Variants in PLCD4 observed in about 807,000 individuals in gnomAD.
PLCD4 encodes phospholipase C delta 4.
A neutral mutation model predicts 90.2 loss-of-function variants in PLCD4; 63 were observed. That is an observed-to-expected ratio of 0.70 (90% confidence interval 0.57 to 0.86). The LOEUF is 0.86. Ranked by LOEUF, PLCD4 falls within the 40% of genes least tolerant of loss-of-function variation. The pLI is 0.00. For synonymous variants in PLCD4, 294 were observed against 356.5 expected (o/e 0.82, Z 1.97); for missense variants, 830 against 956.3 (o/e 0.87, Z 1.74).
chr2:218,632,427 C>A, intron 10 of PLCD4, 115 bp downstream of exon 10: 3 of 1,048,124 alleles, frequency 2.9e-6, no homozygotes, highest in East Asian at 2.6e-5. Flanking sequence ...ATGACCCTTC[C>A]TCCCAATGAA....
chr2:218,636,557 C>G lies in PLCD4; in HGVS notation c.2269C>G (p.Leu757Val), dbSNP rs373053225. ...IFVYICIQEGLEGDES is the reference protein window; with the variant it reads ...IFVYICIQEGVEGDES ...TGTGTATATCTGCATCCAGGAAGGC[C>G]TGGAGGGGGATGAGTCCTGAGGTGG... is the stretch of plus-strand genomic sequence containing the variant. Residue 757 changes from leucine (L) to valine (V), a missense_variant, in exon 16 of 16, where the codon CTG (leucine) becomes GTG (valine). Coordinates refer to ENST00000450993, the MANE Select transcript of PLCD4 (RefSeq NM_032726.4). 7.4e-6 allele frequency: 12 copies of G among 1,613,950 alleles called. No individual in the cohort carries two copies. The East Asian group carries it at 2.2e-4, about 30-fold the overall frequency.
At position 218,618,693 on chromosome 2, in the gene PLCD4, G is replaced by C; in HGVS notation, c.296G>C (p.Arg99Pro). 1 of 1,613,746 alleles carries C rather than the reference G, an allele frequency of 6.2e-7. No individual in the cohort carries two copies. Among genetic ancestry groups the C allele is most frequent in the South Asian group, 1.1e-5 (1 of 90,994 alleles). Reference sequence around the variant, plus strand: ...TTCACCATTGTCTTCCATGGCCGCCGCTCCAACCTGGACCTGATGGCCAAC... The same window carrying C: ...TTCACCATTGTCTTCCATGGCCGCCCCTCCAACCTGGACCTGATGGCCAAC... Reference protein sequence around the residue: ...QGFTIVFHGRRSNLDLMANSV... With the variant: ...QGFTIVFHGRPSNLDLMANSV... Residue 99 changes from arginine (R) to proline (P), a missense_variant, in exon 4 of 16, where the codon CGC becomes CCC. Coordinates refer to ENST00000450993, the MANE Select transcript of PLCD4 (RefSeq NM_032726.4).
At chr2:218,615,220 A>G (rs767445878) in intron 1 of PLCD4, among the ~76,000 whole-genome samples, 1 of 151,976 alleles carries the variant, frequency 6.6e-6, no homozygotes, top group Non-Finnish European at 1.5e-5. Context: ...ACTCCGTATC[A>G]AAAAAAAGAA....
At chr2:218,616,881 G>A (rs1695605753) in intron 3 of PLCD4, among the ~76,000 whole-genome samples, 1 of 104,340 alleles carries the variant, frequency 9.6e-6, no homozygotes. Flanking sequence ...TGCATTTAAT[G>A]AATGTTAGCC....
chr2:218,634,768 G>A lies in PLCD4; in HGVS notation c.1896+138G>A. On this transcript the variant is annotated intron_variant, in intron 13 of 15. Transcript: ENST00000450993. This position sits in a 1 kb window ranked among gnomAD's most constrained non-coding sequence, Gnocchi z 4.0. ...CTAGTTTTAGCTTTTGGAGCCAGCT[G>A]CCTAGCTTCAAACCACAACTTCCTA... 1 of 1,065,266 alleles carries A rather than the reference G, an allele frequency of 9.4e-7. No homozygotes were observed. The allele number at this position is 1,065,266 out of a possible 1,614,324, so 66.0% of individuals were successfully genotyped here. A position where few individuals can be genotyped will look rare whatever the true frequency, so the allele number is the denominator to read the frequency against.
chr2:218,615,601 C>A, intron 1 of PLCD4, 106 bp from the exon 2 acceptor site: 1 of 872,760 alleles, frequency 1.1e-6, no homozygotes, highest in South Asian at 2.2e-5. Flanking sequence ...GTTTCTAAAC[C>A]TATCTAAAGT....
intron 4 of PLCD4, among the ~76,000 whole-genome samples, chr2:218,620,386 A>G (rs1695816769): frequency 6.6e-6 from 1 of 151,998 alleles, no homozygotes; most frequent in African/African-American, 2.4e-5. Flanking sequence ...TGTATCTGCA[A>G]TCCCAGCTAC....
At chr2:218,613,346 G>T (rs1046629143) in intron 1 of PLCD4, among the ~76,000 whole-genome samples, 1 of 136,954 alleles carries the variant, frequency 7.3e-6, no homozygotes, top group African/African-American at 2.7e-5. Flanking sequence ...AGCCGAGATT[G>T]TGCCATTGCA....
At chr2:218,624,313 G>A (rs1285615796) in intron 6 of PLCD4, among the ~76,000 whole-genome samples, 1 of 152,134 alleles carries the variant, frequency 6.6e-6, no homozygotes, top group African/African-American at 2.4e-5. Context: ...CCTATGCTAG[G>A]CACCAGACAT....
chr2:218,630,156 C>T (rs1005011683), intron 8 of PLCD4, among the ~76,000 whole-genome samples: 1 of 152,166 alleles, frequency 6.6e-6, no homozygotes, highest in African/African-American at 2.4e-5. Context: ...CCAGCCTGGG[C>T]AGCAAGAGTG....
At chr2:218,629,223 T>A in intron 7 of PLCD4, 1 of 278,778 alleles carries the variant, frequency 3.6e-6, no homozygotes, top group Non-Finnish European at 6.9e-6. Flanking sequence ...CTCAAAAAAA[T>A]AAAAGTAAAT....
In PLCD4 at chr2:218,630,738, TG is replaced by T. The variant is rs1559274626; in HGVS notation, c.1213del (p.Glu405SerfsTer4). ...QTMARHLTEI[L>X]GEQLLSTTLD... ...ATGGCCCGTCATCTGACTGAGATCC[TG>T]GGGGAGCAGCTGCTGAGCACCACCT... On this transcript the variant is annotated frameshift_variant, in exon 9 of 16. Transcript: ENST00000450993. LOFTEE classifies it high-confidence loss of function. 1.2e-6 allele frequency: 2 copies of T among 1,614,012 alleles called. No individual in the cohort carries two copies. Among genetic ancestry groups the T allele is most frequent in the Admixed American group, 3.3e-5 (2 of 60,018 alleles).
intron 7 of PLCD4, 66 bp from the exon 8 acceptor site, chr2:218,629,453 G>A: frequency 6.4e-7 from 1 of 1,573,652 alleles, no homozygotes; most frequent in Non-Finnish European, 8.6e-7. Flanking sequence ...AGAGTGGGGA[G>A]AGTCCCTAGG....
chr2:218,634,320 T>C lies in PLCD4; in HGVS notation c.1723+99T>C, dbSNP rs1342858671. On this transcript the variant is annotated intron_variant, in intron 12 of 15. Transcript: ENST00000450993. The surrounding 1 kb of genome is among the most constrained non-coding windows in gnomAD (Gnocchi z 4.0). ...AGGGTTGGGGAATGCTCAAGAAAAT[T>C]GCTAGGCTGAGAAATGCTATCAGTG... 1 of 1,572,986 alleles carries C rather than the reference T, an allele frequency of 6.4e-7. No homozygotes were observed. The highest frequency in any genetic ancestry group is 8.6e-7 in the Non-Finnish European group (1 of 1,158,882).
At chr2:218,628,006 G>A in intron 6 of PLCD4, 23 bp from the exon 7 acceptor site, 1 of 1,596,964 alleles carries the variant, frequency 6.3e-7, no homozygotes, top group Non-Finnish European at 8.6e-7. Context: ...TTCTCACCTA[G>A]TGTTCCCCTG....
intron 3 of PLCD4, 81 bp from the exon 4 acceptor site, chr2:218,618,498 G>C (rs1383857858): frequency 1.6e-6 from 2 of 1,216,556 alleles, no homozygotes; most frequent in Non-Finnish European, 2.4e-6. Flanking sequence ...ATGGAGAAGG[G>C]GGTGCTGGTC....
At chr2:218,636,191 G>C in intron 14 of PLCD4, 52 bp from the exon 15 acceptor site, 1 of 1,573,010 alleles carries the variant, frequency 6.4e-7, no homozygotes, top group Non-Finnish European at 8.7e-7. Flanking sequence ...AAGCAACCCA[G>C]TCAAGAAAAC....
At chr2:218,611,717 G>A (rs1044948870) in intron 1 of PLCD4, among the ~76,000 whole-genome samples, 1 of 152,088 alleles carries the variant, frequency 6.6e-6, no homozygotes, top group Admixed American at 6.6e-5. Flanking sequence ...TCCTGCCTCA[G>A]CCTCACGAGT....
At chr2:218,633,962 GAC>G (rs1334968476) in intron 11 of PLCD4, 141 bp from the exon 12 acceptor site, 9 of 1,268,464 alleles carry the variant, frequency 7.1e-6, no homozygotes, top group Non-Finnish European at 9.8e-6. Context: ...GGTCTGGATG[GAC>G]AGAGTAGAGA....
Sources: gnomAD v4.1 joint callset for allele counts (sites outside exome capture counted in the v4.1 genomes callset) on GRCh38, gnomAD v4.1.1 for gene constraint, Gnocchi (gnomAD v3.1) non-coding constraint, MANE v1.5 for transcripts, NCBI Gene and HGNC (gene_info 2026-07-23, HGNC 2026-07-21) for gene names.